CDK5: variants seen among roughly 807,000 people sequenced by gnomAD.
The protein encoded by CDK5 is cyclin-dependent kinase 5.
Under a neutral mutation model 44.6 loss-of-function variants are expected in CDK5, and 18 were observed. That is an observed-to-expected ratio of 0.40 (90% CI 0.28 to 0.60). The LOEUF (loss-of-function observed/expected upper bound fraction) is 0.60, where lower values mean the gene tolerates loss of function less well. Ranked by LOEUF, CDK5 falls within the 20% of genes least tolerant of loss-of-function variation. CDK5 has a pLI of 0.38. For synonymous variants in CDK5, 143 were observed against 152.8 expected (o/e 0.94, Z 0.47); for missense variants, 198 against 368.1 (o/e 0.54, Z 3.78).
chr7:151,054,371 T>C lies in CDK5; in HGVS notation c.711+34A>G. 3 of 1,612,650 alleles carry C rather than the reference T, an allele frequency of 1.9e-6. No homozygotes were observed. The highest frequency in any genetic ancestry group is 1.1e-5 in the South Asian group (1 of 91,026). On this transcript the variant is annotated intron_variant, in intron 10 of 11. Coordinates refer to ENST00000485972, the MANE Select transcript of CDK5 (RefSeq NM_004935.4). This position sits in a 1 kb window ranked among gnomAD's most constrained non-coding sequence, Gnocchi z 5.7. ...GCTAGGAATGTGAAACGAGTGACCC[T>C]GATGAACCATGACCCCCACATTCCC...
Position 151,056,861 on chromosome 7 carries a change from C to T in CDK5, c.194+47G>A, listed in dbSNP as rs750386255. The T allele has an allele frequency of 1.3e-6, 2 of 1,594,022 alleles. No homozygotes were observed. The highest frequency in any genetic ancestry group is 1.7e-6 in the Non-Finnish European group (2 of 1,170,650). On this transcript the variant is annotated intron_variant, in intron 3 of 11. Transcript: ENST00000485972. The surrounding 1 kb of genome is among the most constrained non-coding windows in gnomAD (Gnocchi z 4.7). ...ACAGACGTCCAGTGTCAGCCCCCGCCTCCCCCAAGCGGCCACACCGGCAAG... is the reference window on the plus strand; with the variant it reads ...ACAGACGTCCAGTGTCAGCCCCCGCTTCCCCCAAGCGGCCACACCGGCAAG...
chr7:151,056,391 G>A lies in CDK5; in HGVS notation c.312+189C>T. ...CTGACATCAGAATGACACTGTGCGG[G>A]TCAAAGATGACCACGTGAAAATGCT... On this transcript the variant is annotated intron_variant, in intron 5 of 11. Coordinates refer to ENST00000485972, the MANE Select transcript of CDK5 (RefSeq NM_004935.4). This position sits in a 1 kb window ranked among gnomAD's most constrained non-coding sequence, Gnocchi z 4.7. The A allele has an allele frequency of 4.9e-6, 3 of 614,812 alleles. No homozygotes were observed. The highest frequency in any genetic ancestry group is 8.7e-6 in the Non-Finnish European group (3 of 345,090). The allele number at this position is 614,812 out of a possible 1,614,324, so 38.1% of individuals were successfully genotyped here.
chr7:151,053,841 TTAAA>T lies in CDK5; in HGVS notation c.*164_*167del. ...GTGGGAAAGGAGCCAATTTATGAAATTAAATAAAGTCCACAAAGGGAGTGAGAAA... is the reference window on the plus strand; with the variant it reads ...GTGGGAAAGGAGCCAATTTATGAAATTAAAGTCCACAAAGGGAGTGAGAAA... On this transcript the variant is annotated 3_prime_UTR_variant, in exon 12 of 12. Coordinates refer to ENST00000485972, the MANE Select transcript of CDK5 (RefSeq NM_004935.4). 3.3e-6 allele frequency: 2 copies of T among 614,098 alleles called. No homozygotes were observed. Among genetic ancestry groups the T allele is most frequent in the South Asian group, 4.0e-5 (2 of 50,454 alleles). The allele number at this position is 614,098 out of a possible 1,614,324, so 38.0% of individuals were successfully genotyped here.
chr7:151,057,212 G>T lies in CDK5; in HGVS notation c.38-52C>A. On this transcript the variant is annotated intron_variant, in intron 1 of 11. Coordinates refer to ENST00000485972, the MANE Select transcript of CDK5 (RefSeq NM_004935.4). This position sits in a 1 kb window ranked among gnomAD's most constrained non-coding sequence, Gnocchi z 5.2. ...GTGAGGATGCGGCACTCTTCCCTAA[G>T]CCAGGAAATGCCTCCTGAGAGAGGT... 1 of 1,301,554 alleles carries T rather than the reference G, an allele frequency of 7.7e-7. No individual in the cohort carries two copies. The highest frequency in any genetic ancestry group is 1.1e-6 in the Non-Finnish European group (1 of 895,028). The allele number at this position is 1,301,554 out of a possible 1,614,324, so 80.6% of individuals were successfully genotyped here. A position where few individuals can be genotyped will look rare whatever the true frequency, so the allele number is the denominator to read the frequency against.
chr7:151,055,817 C>A lies in CDK5; in HGVS notation c.344G>T (p.Gly115Val). Residue 115 changes from glycine (G) to valine (V), a missense_variant, in exon 6 of 12, where the codon GGA (glycine) becomes GTA (valine). By Grantham distance (109) the Gly-to-Val change is moderately radical. Around this residue, in one of 4 missense-constraint regions of CDK5, gnomAD observed 26 missense variants for 28.2 expected, o/e 0.92. Coordinates refer to ENST00000485972, the MANE Select transcript of CDK5 (RefSeq NM_004935.4). ...TAGCACATTGCGGCTATGACAGAAT[C>A]CCAGCCCTTTTAGTAGCTGGAAGAG... is the stretch of plus-strand genomic sequence containing the variant. ...SFLFQLLKGL[G>V]FCHSRNVLHR... is the part of the protein sequence containing the mutation. The A allele has an allele frequency of 6.2e-7, 1 of 1,611,480 alleles. No individual in the cohort carries two copies. The highest frequency in any genetic ancestry group is 8.5e-7 in the Non-Finnish European group (1 of 1,178,738).
rs1178323052 is a variant in CDK5 at position 151,055,598 on chromosome 7, C to T, written c.417G>A (p.Glu139=). 6.2e-7 allele frequency: 1 copy of T among 1,613,700 alleles called. No homozygotes were observed. The highest frequency in any genetic ancestry group is 1.7e-5 in the Admixed American group (1 of 60,010). ...CCAGGCCAAAATCAGCCAATTTCAG[C>T]TCCCCATTCTGAAGGGAATGGGAAG... ...PQNLLINRNG[E]LKLADFGLAR... Residue 139 remains glutamate (E), a synonymous_variant, in exon 7 of 12, where the codon GAG becomes GAA. Transcript: ENST00000485972.
chr7:151,054,115 G>A lies in CDK5; in HGVS notation c.793-20C>T, dbSNP rs1409840972. 2 of 1,594,104 alleles carry A rather than the reference G, an allele frequency of 1.3e-6. No individual in the cohort carries two copies. The highest frequency in any genetic ancestry group is 2.3e-5 in the East Asian group (1 of 44,064). ...AAGGTTCTGGAGATGGGGGAAAGGA[G>A]GTGGCAGGTTCAGGACAGGTCACTG... On this transcript the variant is annotated intron_variant, in intron 11 of 11. Coordinates refer to ENST00000485972, the MANE Select transcript of CDK5 (RefSeq NM_004935.4). The surrounding 1 kb of genome is among the most constrained non-coding windows in gnomAD (Gnocchi z 5.7).
Position 151,056,333 on chromosome 7 carries a change from C to T in CDK5, c.312+247G>A. Reference sequence around the variant, plus strand: ...TGAATGAGTGTATCTCCTTGAACCTCATTTTCTCATCTCTCGAGTGTAAAT... The same window carrying T: ...TGAATGAGTGTATCTCCTTGAACCTTATTTTCTCATCTCTCGAGTGTAAAT... On this transcript the variant is annotated intron_variant, in intron 5 of 11. Coordinates refer to ENST00000485972, the MANE Select transcript of CDK5 (RefSeq NM_004935.4). The surrounding 1 kb of genome is among the most constrained non-coding windows in gnomAD (Gnocchi z 4.7). 1.7e-6 allele frequency: 1 copy of T among 592,746 alleles called. No homozygotes were observed. The highest frequency in any genetic ancestry group is 3.0e-6 in the Non-Finnish European group (1 of 333,038). 36.7% of individuals were successfully genotyped at this position (592,746 alleles called of 1,614,324 possible).
At position 151,055,384 on chromosome 7, in the gene CDK5, C is replaced by G; in HGVS notation, c.484-11G>C. 1 of 1,575,132 alleles carries G rather than the reference C, an allele frequency of 6.3e-7. No individual in the cohort carries two copies. The highest frequency in any genetic ancestry group is 8.7e-7 in the Non-Finnish European group (1 of 1,148,690). The stretch of plus-strand genomic sequence containing the variant: ...CCACAGTGTGACCACCTGGAGGAGA[C>G]CCCCCCCGAAAGGGACCTCCCACTT... On this transcript the variant is annotated splice_polypyrimidine_tract_variant and intron_variant, in intron 7 of 11. Transcript: ENST00000485972.
chr7:151,056,395 A>C lies in CDK5; in HGVS notation c.312+185T>G. On this transcript the variant is annotated intron_variant, in intron 5 of 11. Coordinates refer to ENST00000485972, the MANE Select transcript of CDK5 (RefSeq NM_004935.4). The surrounding 1 kb of genome is among the most constrained non-coding windows in gnomAD (Gnocchi z 4.7). ...CATCAGAATGACACTGTGCGGGTCA[A>C]AGATGACCACGTGAAAATGCTCACT... 1.6e-6 allele frequency: 1 copy of C among 617,032 alleles called. No homozygotes were observed. The highest frequency in any genetic ancestry group is 2.9e-6 in the Non-Finnish European group (1 of 346,404). The allele number at this position is 617,032 out of a possible 1,614,324, so 38.2% of individuals were successfully genotyped here. A position where few individuals can be genotyped will look rare whatever the true frequency, so the allele number is the denominator to read the frequency against.
Position 151,057,664 on chromosome 7 carries a change from A to G in CDK5, c.37+148T>C. 1 of 830,418 alleles carries G rather than the reference A, an allele frequency of 1.2e-6. No individual in the cohort carries two copies. 51.4% of individuals were successfully genotyped at this position (830,418 alleles called of 1,614,324 possible). On this transcript the variant is annotated intron_variant, in intron 1 of 11. Transcript: ENST00000485972. The surrounding 1 kb of genome is among the most constrained non-coding windows in gnomAD (Gnocchi z 5.2). ...TAACACGGGGAAGACTGGTGTCTGC[A>G]CGGAGTGCTGAGCTAGGGGGCCAGG...
rs1314846090 is a variant in CDK5, at chr7:151,057,809, T to C, written c.37+3A>G. On this transcript the variant is annotated splice_donor_region_variant and intron_variant, in intron 1 of 11. Transcript: ENST00000485972. This position sits in a 1 kb window ranked among gnomAD's most constrained non-coding sequence, Gnocchi z 5.2. Reference sequence around the variant, plus strand: ...TTGCAGGAACATCTCGAGATTCCATTACCTTCCCCAATCTTTTCCAGTTTC... The same window carrying C: ...TTGCAGGAACATCTCGAGATTCCATCACCTTCCCCAATCTTTTCCAGTTTC... 1 of 1,611,414 alleles carries C rather than the reference T, an allele frequency of 6.2e-7. No homozygotes were observed. Among genetic ancestry groups the C allele is most frequent in the Non-Finnish European group, 8.5e-7 (1 of 1,178,850 alleles).
In CDK5 at chr7:151,054,047, G is replaced by T; in HGVS notation, c.841C>A (p.Leu281Met). 6.2e-7 allele frequency: 1 copy of T among 1,601,850 alleles called. No individual in the cohort carries two copies. ...AAGTCGGAGAAGTAGGGGTGCTGCA[G>T]GGCCTCTTCTGCTGAGATACGCTGG... is the stretch of plus-strand genomic sequence containing the variant. ...PVQRISAEEA[L>M]QHPYFSDFCP... is the part of the protein sequence containing the mutation. The change falls in exon 12 of 12, where the codon CTG (leucine) becomes ATG (methionine). Residue 281 changes from leucine (L) to methionine (M), a missense_variant. By Grantham distance (15) the Leu-to-Met change is conservative. Coordinates refer to ENST00000485972, the MANE Select transcript of CDK5 (RefSeq NM_004935.4). This position sits in a 1 kb window ranked among gnomAD's most constrained non-coding sequence, Gnocchi z 5.7.
At position 151,056,649 on chromosome 7, in the gene CDK5, A is replaced by G; in HGVS notation, c.256-13T>C. The G allele has an allele frequency of 6.2e-7, 1 of 1,612,282 alleles. No homozygotes were observed. Reference sequence around the variant, plus strand: ...ACTTCTTCAGGTCCTGAAAAGGGATATGAGTGGGGGAATGGGACAGAGTTT... The same window carrying G: ...ACTTCTTCAGGTCCTGAAAAGGGATGTGAGTGGGGGAATGGGACAGAGTTT... On this transcript the variant is annotated splice_polypyrimidine_tract_variant and intron_variant, in intron 4 of 11. Coordinates refer to ENST00000485972, the MANE Select transcript of CDK5 (RefSeq NM_004935.4). The surrounding 1 kb of genome is among the most constrained non-coding windows in gnomAD (Gnocchi z 4.7).
chr7:151,056,784 G>A lies in CDK5; in HGVS notation c.207C>T (p.Val69=). 6.2e-7 allele frequency: 1 copy of A among 1,611,932 alleles called. No homozygotes were observed. The highest frequency in any genetic ancestry group is 2.2e-5 in the East Asian group (1 of 44,818). The change falls in exon 4 of 12, where the codon GTC becomes GTT. Residue 69 remains valine (V), a synonymous_variant. Transcript: ENST00000485972. The surrounding 1 kb of genome is among the most constrained non-coding windows in gnomAD (Gnocchi z 4.7). ...AAGTCAGCTTCTTGTCGCTGTGCAG[G>A]ACGTCATGAAGCCTAGGGCAAAAGA... is the stretch of plus-strand genomic sequence containing the variant. ...KHKNIVRLHD[V]LHSDKKLTLV...
In CDK5 at chr7:151,055,198, C is replaced by A. The variant is rs553668929; in HGVS notation, c.580+79G>T. On this transcript the variant is annotated intron_variant, in intron 8 of 11. Transcript: ENST00000485972. ...CCAGTCCCAGGGCCTCCCTCCCTTC[C>A]CCCAGAGGGGACCCTCCAGACCCTA... 7.0e-4 allele frequency: 1,091 copies of A among 1,558,694 alleles called. 2 individuals are homozygous for A. Among genetic ancestry groups the A allele is most frequent in the Admixed American group, 1.8e-3 (105 of 58,454 alleles).
chr7:151,056,692 C>T lies in CDK5; in HGVS notation c.255+44G>A, dbSNP rs757172305. Reference sequence around the variant, plus strand: ...CAGAGTTTAACCTCAATCTGGGCCCCTATACCTTCCCAAGGCTACTGTCCT... The same window carrying T: ...CAGAGTTTAACCTCAATCTGGGCCCTTATACCTTCCCAAGGCTACTGTCCT... On this transcript the variant is annotated intron_variant, in intron 4 of 11. Coordinates refer to ENST00000485972, the MANE Select transcript of CDK5 (RefSeq NM_004935.4). The surrounding 1 kb of genome is among the most constrained non-coding windows in gnomAD (Gnocchi z 4.7). 1.2e-6 allele frequency: 2 copies of T among 1,611,530 alleles called. No individual in the cohort carries two copies. Among genetic ancestry groups the T allele is most frequent in the African/African-American group, 2.7e-5 (2 of 74,986 alleles).
At chr7:151,055,903 A>G in intron 5 of CDK5, 55 bp from the exon 6 acceptor site, 1 of 1,247,008 alleles carries the variant, frequency 8.0e-7, no homozygotes, top group Non-Finnish European at 1.2e-6. Context: ...AACTGTGCCC[A>G]GCAACGGGTC....
In CDK5 at chr7:151,054,993, C is replaced by G. The variant is rs1030728605; in HGVS notation, c.650+34G>C. 3 of 1,609,974 alleles carry G rather than the reference C, an allele frequency of 1.9e-6. No individual in the cohort carries two copies. The highest frequency in any genetic ancestry group is 1.7e-5 in the Admixed American group (1 of 59,958). On this transcript the variant is annotated intron_variant, in intron 9 of 11. Transcript: ENST00000485972. The surrounding 1 kb of genome is among the most constrained non-coding windows in gnomAD (Gnocchi z 5.7). ...TCAAAACTCCATGGACTCTCCCCTC[C>G]CAGAGGGCTCAAGGCAGAGGAAAGC...
Sources: allele counts gnomAD v4.1 joint callset, GRCh38; gene constraint gnomAD v4.1.1; regional missense constraint gnomAD v4.1.1; non-coding constraint Gnocchi (gnomAD v3.1); transcripts MANE v1.5; gene names NCBI Gene and HGNC (gene_info 2026-07-23, HGNC 2026-07-21).